SEC13: variants seen among roughly 807,000 people sequenced by gnomAD.
SEC13 encodes the protein protein SEC13 homolog.
A neutral mutation model predicts 49.2 loss-of-function variants in SEC13; 25 were observed. The ratio of observed to expected loss-of-function variants is 0.51; its 90% CI spans 0.37 to 0.71. SEC13 has a LOEUF of 0.71. SEC13 is among the 30% of genes least tolerant of loss of function. The pLI is 0.00. For missense variants in SEC13, 383 were observed against 417.6 expected (o/e 0.92, Z 0.72); for synonymous variants, 148 against 163.9 (o/e 0.90, Z 0.74).
chr3:10,321,082 G>A lies in SEC13; in HGVS notation c.-30C>T, dbSNP rs768221283. 118 of 1,612,584 alleles carry A rather than the reference G, an allele frequency of 7.3e-5. No individual in the cohort carries two copies. The highest frequency in any genetic ancestry group is 2.7e-4 in the Admixed American group (16 of 59,946). Reference sequence around the variant, plus strand: ...GCGGCGGTGGCTGCTCCAGGTCTCGGACGTGGCAGCTCCCGGCGGCGCCTC... The same window carrying A: ...GCGGCGGTGGCTGCTCCAGGTCTCGAACGTGGCAGCTCCCGGCGGCGCCTC... On this transcript the variant is annotated 5_prime_UTR_variant, in exon 1 of 9. Transcript: ENST00000350697. The surrounding 1 kb of genome is among the most constrained non-coding windows in gnomAD (Gnocchi z 4.1).
Position 10,315,628 on chromosome 3 carries a change from G to A in SEC13, c.49-192C>T, listed in dbSNP as rs914054742. Reference sequence around the variant, plus strand: ...CTTCACCTATGGGCAGTGTCTCTCTGAAATGGACAAAGCAAGCCATGCCCA... The same window carrying A: ...CTTCACCTATGGGCAGTGTCTCTCTAAAATGGACAAAGCAAGCCATGCCCA... On this transcript the variant is annotated intron_variant, in intron 2 of 8. Transcript: ENST00000350697. Among the ~76,000 whole-genome samples the A allele has an allele frequency of 3.9e-5, 6 of 152,304 alleles. No individual in the cohort carries two copies. The East Asian group carries it at 9.7e-4, about 25-fold the overall frequency.
chr3:10,308,956 T>G (rs1029465694), intron 5 of SEC13, among the ~76,000 whole-genome samples: 2 of 103,786 alleles, frequency 1.9e-5, no homozygotes, highest in African/African-American at 7.1e-5. Context: ...TTTTTTTTTT[T>G]GAGACAAGTC....
rs1256814933 is a variant in SEC13 at position 10,305,058 on chromosome 3, G to T, written c.683C>A (p.Thr228Asn). 6.2e-6 allele frequency: 10 copies of T among 1,614,184 alleles called. No individual in the cohort carries two copies. The South Asian group carries it at 8.8e-5, about 14-fold the overall frequency. ...CTGGGAGCAGCTGGCGATGGTGCTGGTGGGCAGGCCGATGGAGGGGGCCCA... is the reference window on the plus strand; with the variant it reads ...CTGGGAGCAGCTGGCGATGGTGCTGTTGGGCAGGCCGATGGAGGGGGCCCA... ...VAWAPSIGLPTSTIASCSQDG... is the reference protein window; with the variant it reads ...VAWAPSIGLPNSTIASCSQDG... The change falls in exon 7 of 9, where the codon ACC becomes AAC. Residue 228 changes from threonine to asparagine, a missense_variant. Transcript: ENST00000350697.
chr3:10,303,735 C>A, intron 8 of SEC13: 1 of 471,686 alleles, frequency 2.1e-6, no homozygotes, highest in East Asian at 4.2e-5. Context: ...TGACCAAATG[C>A]TTAGTAGGGT....
chr3:10,320,634 C>A (rs1257072246), intron 1 of SEC13: 1 of 1,011,878 alleles, frequency 9.9e-7, no homozygotes, highest in East Asian at 9.3e-5. Context: ...GTGCAAGAGG[C>A]TCCACGTCTC....
chr3:10,308,788 TG>T (rs1208674108), intron 5 of SEC13, among the ~76,000 whole-genome samples: 1 of 122,464 alleles, frequency 8.2e-6, no homozygotes. Context: ...GATGCTGAGT[TG>T]AATTTTTTTT....
chr3:10,303,935 C>T, intron 8 of SEC13, 91 bp downstream of exon 8: 1 of 1,425,242 alleles, frequency 7.0e-7, no homozygotes, highest in Non-Finnish European at 9.8e-7. Flanking sequence ...GCCCAGCCTG[C>T]AGTCAGATGG....
intron 2 of SEC13, among the ~76,000 whole-genome samples, 158 bp downstream of exon 2, chr3:10,317,892 C>A (rs1701703431): frequency 6.6e-6 from 1 of 152,176 alleles, no homozygotes; most frequent in Non-Finnish European, 1.5e-5. Flanking sequence ...AGGGAGCCTG[C>A]CATACCCCGA....
intron 5 of SEC13, among the ~76,000 whole-genome samples, chr3:10,308,834 G>T (rs1574873780): frequency 3.3e-5 from 4 of 119,670 alleles, no homozygotes; most frequent in East Asian, 2.4e-4. Context: ...GTCTCACTAT[G>T]TTGGCCAGGT....
intron 6 of SEC13, 177 bp from the exon 7 acceptor site, chr3:10,305,333 T>C (rs1462695834): frequency 8.8e-7 from 1 of 1,137,948 alleles, no homozygotes; most frequent in East Asian, 2.6e-5. Flanking sequence ...CTCCAGAAAA[T>C]GCTCTGCTTC....
chr3:10,314,040 T>C (rs1029262910), intron 3 of SEC13: 2 of 152,464 alleles, frequency 1.3e-5, no homozygotes, highest in Admixed American at 6.5e-5. Flanking sequence ...GGGAAGGTTA[T>C]GGACCCTCAT....
chr3:10,301,132 G>T lies in SEC13; in HGVS notation c.*129C>A. 6.2e-7 allele frequency: 1 copy of T among 1,613,838 alleles called. No homozygotes were observed. Among genetic ancestry groups the T allele is most frequent in the Non-Finnish European group, 8.5e-7 (1 of 1,179,892 alleles). ...TAAGGCAGATGATCAATCTGTGGCT[G>T]CATCTGTAACTCCTCCTGGGAAAAT... On this transcript the variant is annotated 3_prime_UTR_variant, in exon 9 of 9. Coordinates refer to ENST00000350697, the MANE Select transcript of SEC13 (RefSeq NM_183352.3).
At position 10,312,739 on chromosome 3, in the gene SEC13, G is replaced by C; in HGVS notation, c.165-9C>G. On this transcript the variant is annotated splice_polypyrimidine_tract_variant and intron_variant, in intron 3 of 8. Coordinates refer to ENST00000350697, the MANE Select transcript of SEC13 (RefSeq NM_183352.3). ...ACACAGGACCCTCATGACTACAAAG[G>C]GAGAGATAGGCCAGAGGAACCCACA... 1.2e-6 allele frequency: 2 copies of C among 1,614,076 alleles called. No homozygotes were observed. The highest frequency in any genetic ancestry group is 2.2e-5 in the South Asian group (2 of 91,080).
intron 3 of SEC13, chr3:10,312,942 C>T: frequency 1.9e-6 from 1 of 518,766 alleles, no homozygotes; most frequent in Non-Finnish European, 3.4e-6. Context: ...GGTCACAGAG[C>T]CTTTGAGAGA....
At chr3:10,308,745 A>ATAAT (rs1303565566) in intron 5 of SEC13, among the ~76,000 whole-genome samples, 2 of 151,406 alleles carry the variant, frequency 1.3e-5, no homozygotes, top group African/African-American at 2.4e-5. Context: ...TTAAAGTCTA[A>ATAAT]TAATTTTACT....
chr3:10,311,818 G>C (rs943064737), intron 5 of SEC13, 147 bp downstream of exon 5: 6 of 1,537,652 alleles, frequency 3.9e-6, no homozygotes, highest in African/African-American at 1.4e-5. Context: ...GCTCAAAGCT[G>C]CTCTAGAGCA....
At chr3:10,311,806 A>C in intron 5 of SEC13, 159 bp downstream of exon 5, 1 of 1,496,028 alleles carries the variant, frequency 6.7e-7, no homozygotes, top group Non-Finnish European at 8.9e-7. Flanking sequence ...CAGGGCAGAG[A>C]GGCTCAAAGC....
chr3:10,317,995 C>T (rs1574893572), intron 2 of SEC13, 55 bp downstream of exon 2: 1 of 1,259,316 alleles, frequency 7.9e-7, no homozygotes, highest in East Asian at 2.4e-5. Flanking sequence ...TTGCTTCCCT[C>T]CCACAAAAAT....
intron 5 of SEC13, among the ~76,000 whole-genome samples, chr3:10,310,771 T>C (rs1319640947): frequency 6.6e-6 from 1 of 152,204 alleles, no homozygotes; most frequent in Admixed American, 6.5e-5. Context: ...CAAAAACTTA[T>C]CTGCAAATGT....
Sources: allele counts gnomAD v4.1 joint callset (sites outside exome capture counted in the v4.1 genomes callset), GRCh38; gene constraint gnomAD v4.1.1; non-coding constraint Gnocchi (gnomAD v3.1); transcripts MANE v1.5; gene names NCBI Gene and HGNC (gene_info 2026-07-23, HGNC 2026-07-21).